VWA8: variants seen among roughly 807,000 people sequenced by gnomAD.
The protein encoded by VWA8 is von Willebrand factor A domain containing 8.
VWA8 carries 221 observed loss-of-function variants against 241.5 expected under a neutral mutation model. The ratio of observed to expected loss-of-function variants is 0.91; its 90% CI spans 0.82 to 1.02. The LOEUF (loss-of-function observed/expected upper bound fraction) is 1.02, where lower values mean the gene tolerates loss of function less well. Among genes scored for constraint, VWA8 ranks in the 50% least tolerant of loss-of-function variants. VWA8 has a pLI of 0.00. For synonymous variants in VWA8, 852 were observed against 827.1 expected (o/e 1.03, Z -0.52); for missense variants, 2,322 against 2,328.7 (o/e 1.00, Z 0.06).
chr13:41,798,611 G>A (rs531077414), intron 17 of VWA8, among the ~76,000 whole-genome samples: 1 of 152,168 alleles, frequency 6.6e-6, no homozygotes, highest in African/African-American at 2.4e-5. Flanking sequence ...TGTAGGTGTT[G>A]ATTTGTTTTT....
chr13:41,642,747 G>C (rs1472120138), intron 37 of VWA8, among the ~76,000 whole-genome samples: 1 of 150,932 alleles, frequency 6.6e-6, no homozygotes, highest in Non-Finnish European at 1.5e-5. Flanking sequence ...TGACCAACAA[G>C]GTGAAACCCC....
At chr13:41,810,199 A>G (rs1292377131) in intron 17 of VWA8, among the ~76,000 whole-genome samples, 1 of 152,146 alleles carries the variant, frequency 6.6e-6, no homozygotes, top group Non-Finnish European at 1.5e-5. Flanking sequence ...GAGTTCCTCA[A>G]AAAAAGAAGA....
At chr13:41,735,125 G>A (rs2045515046) in intron 21 of VWA8, among the ~76,000 whole-genome samples, 1 of 152,074 alleles carries the variant, frequency 6.6e-6, no homozygotes, top group African/African-American at 2.4e-5. Context: ...ATGAGGAAGG[G>A]AAATAGATGT....
intron 9 of VWA8, among the ~76,000 whole-genome samples, chr13:41,871,433 CT>C (rs906054847): frequency 1.7e-4 from 26 of 152,174 alleles, no homozygotes; most frequent in African/African-American, 6.3e-4. Flanking sequence ...TTAGGTATAT[CT>C]CCCAATGCTA....
chr13:41,829,388 T>C (rs1011588954), intron 14 of VWA8, among the ~76,000 whole-genome samples: 3 of 152,116 alleles, frequency 2.0e-5, no homozygotes, highest in Non-Finnish European at 4.4e-5. Flanking sequence ...ATCCCACTAC[T>C]GGGTATCTAC....
At chr13:41,778,126 G>A in intron 19 of VWA8, 70 bp from the exon 20 acceptor site, 1 of 1,118,396 alleles carries the variant, frequency 8.9e-7, no homozygotes, top group South Asian at 1.7e-5. Flanking sequence ...TAACTATAAA[G>A]ATATCTTTAT....
chr13:41,917,527 G>T (rs77795814), intron 2 of VWA8, among the ~76,000 whole-genome samples: 1,954 of 152,280 alleles, frequency 0.013, 20 homozygotes, highest in Middle Eastern at 0.048. Flanking sequence ...TATTGAGTAT[G>T]GTTTGTGAGG....
chr13:41,780,622 T>A (rs938578629), intron 19 of VWA8, among the ~76,000 whole-genome samples: 1 of 152,174 alleles, frequency 6.6e-6, no homozygotes, highest in African/African-American at 2.4e-5. Flanking sequence ...TAGCCTAGAT[T>A]TGTATCAGCT....
At chr13:41,760,573 T>C (rs185098262) in intron 21 of VWA8, among the ~76,000 whole-genome samples, 2 of 152,026 alleles carry the variant, frequency 1.3e-5, no homozygotes, top group Non-Finnish European at 2.9e-5. Flanking sequence ...TTTTATTTTC[T>C]AAAAATTAGA....
chr13:41,932,295 T>A (rs745587403), intron 2 of VWA8, among the ~76,000 whole-genome samples: 1 of 152,066 alleles, frequency 6.6e-6, no homozygotes, highest in Non-Finnish European at 1.5e-5. Context: ...ACTATATCTA[T>A]GAAAGAAACT....
chr13:41,717,267 A>G (rs2045353691), intron 26 of VWA8, among the ~76,000 whole-genome samples: 1 of 151,782 alleles, frequency 6.6e-6, no homozygotes, highest in African/African-American at 2.4e-5. Context: ...AATTTCTCCC[A>G]GTGTACTTCC....
At position 41,701,385 on chromosome 13, in the gene VWA8, G is replaced by A. The variant is rs370491011; in HGVS notation, c.3364+7C>T. The A allele has an allele frequency of 5.7e-5, 91 of 1,588,972 alleles. No individual in the cohort carries two copies. The African/African-American group carries it at 9.5e-4, about 17-fold the overall frequency. ...GAAGGAAAGATCAAAAGAATAAGCA[G>A]ACATACCATGTGATGTAGCAATGTC... is the stretch of plus-strand genomic sequence containing the variant. On this transcript the variant is annotated splice_region_variant and intron_variant, in intron 28 of 44. Coordinates refer to ENST00000379310, the MANE Select transcript of VWA8 (RefSeq NM_015058.2).
intron 12 of VWA8, among the ~76,000 whole-genome samples, chr13:41,852,767 T>C (rs1872576339): frequency 6.6e-6 from 1 of 152,174 alleles, no homozygotes; most frequent in Non-Finnish European, 1.5e-5. Context: ...TAACTAGCCA[T>C]TAATAGTATA....
At chr13:41,711,842 C>T (rs758979798) in intron 26 of VWA8, among the ~76,000 whole-genome samples, 2 of 151,850 alleles carry the variant, frequency 1.3e-5, no homozygotes, top group African/African-American at 4.8e-5. Context: ...CCACTGCACT[C>T]CAGCCTGGGC....
At position 41,864,492 on chromosome 13, in the gene VWA8, T is replaced by C; in HGVS notation, c.1425+1244A>G. On this transcript the variant is annotated intron_variant, in intron 12 of 44. Coordinates refer to ENST00000379310, the MANE Select transcript of VWA8 (RefSeq NM_015058.2). ...TATAGACATACAACAGAATATGACTTTGCCCTAAAAAGGAATGAAATTCTG... is the reference window on the plus strand; with the variant it reads ...TATAGACATACAACAGAATATGACTCTGCCCTAAAAAGGAATGAAATTCTG... 5 of 366,598 alleles carry C rather than the reference T, an allele frequency of 1.4e-5. 1 individual carries two copies. Among genetic ancestry groups the C allele is most frequent in the South Asian group, 1.1e-4 (5 of 44,476 alleles). 22.7% of individuals were successfully genotyped at this position (366,598 alleles called of 1,614,324 possible).
At chr13:41,936,754 G>A (rs1317828113) in intron 2 of VWA8, among the ~76,000 whole-genome samples, 3 of 152,266 alleles carry the variant, frequency 2.0e-5, no homozygotes, top group Admixed American at 2.0e-4. Flanking sequence ...GATTTTAAAT[G>A]TTCTCACCAC....
chr13:41,618,649 G>C (rs1405119584), intron 37 of VWA8, among the ~76,000 whole-genome samples: 1 of 152,094 alleles, frequency 6.6e-6, no homozygotes, highest in African/African-American at 2.4e-5. Flanking sequence ...ATTAATTTTT[G>C]TATAAGGTGT....
intron 37 of VWA8, among the ~76,000 whole-genome samples, chr13:41,634,707 T>TG (rs979995611): frequency 4.2e-5 from 6 of 143,140 alleles, no homozygotes; most frequent in African/African-American, 1.5e-4. Flanking sequence ...ATCTTCAAAG[T>TG]GAAAAAAAAA....
intron 39 of VWA8, among the ~76,000 whole-genome samples, chr13:41,606,945 C>A (rs1032273096): frequency 2.0e-5 from 3 of 152,122 alleles, no homozygotes; most frequent in Non-Finnish European, 4.4e-5. Flanking sequence ...AACTCGCATA[C>A]TTTATTGCTT....
Sources: gnomAD v4.1 joint callset for allele counts (sites outside exome capture counted in the v4.1 genomes callset) on GRCh38, gnomAD v4.1.1 for gene constraint, MANE v1.5 for transcripts, NCBI Gene and HGNC (gene_info 2026-07-23, HGNC 2026-07-21) for gene names.